Variants in TRPM3 observed in about 807,000 individuals in gnomAD.
The protein encoded by TRPM3 is long transient receptor potential channel 3.
A neutral mutation model predicts 181.2 loss-of-function variants in TRPM3; 77 were observed. The ratio of observed to expected loss-of-function variants is 0.42; its 90% CI spans 0.35 to 0.51. TRPM3 has a LOEUF of 0.51. Among genes scored for constraint, TRPM3 ranks in the 20% least tolerant of loss-of-function variants. The pLI is 0.01. For missense variants in TRPM3, 1,759 were observed against 2,196.7 expected (o/e 0.80, Z 3.98); for synonymous variants, 745 against 796.4 (o/e 0.94, Z 1.09).
At chr9:70,912,750 G>A (rs913440459) in intron 1 of TRPM3, among the ~76,000 whole-genome samples, 7 of 152,072 alleles carry the variant, frequency 4.6e-5, no homozygotes, top group African/African-American at 1.7e-4. Flanking sequence ...AAATATATTG[G>A]AAACCAACAC....
intron 1 of TRPM3, among the ~76,000 whole-genome samples, chr9:71,048,300 A>T (rs1303310935): frequency 6.6e-6 from 1 of 152,164 alleles, no homozygotes; most frequent in East Asian, 1.9e-4. Flanking sequence ...CTGTCTCTTA[A>T]TTTTTTAGAG....
rs148070892 is a variant in TRPM3, at chr9:71,324,407, C to T, written c.183+122246G>A. On this transcript the variant is annotated intron_variant, in intron 1 of 24. Coordinates refer to the TRPM3 transcript ENST00000357533. Reference sequence around the variant, plus strand: ...ATCAGAGAAATACAAATCAAAACCACGATGAGATACCATATTTTCCTAGTC... The same window carrying T: ...ATCAGAGAAATACAAATCAAAACCATGATGAGATACCATATTTTCCTAGTC... 6.8e-4 allele frequency among the ~76,000 whole-genome samples: 103 copies of T among 151,964 alleles called. No individual in the cohort carries two copies. In the South Asian group the frequency reaches 7.1e-3, roughly 10 times the overall value.
chr9:71,312,920 G>A (rs72735810), intron 1 of TRPM3, among the ~76,000 whole-genome samples: 13,088 of 152,058 alleles, frequency 0.086, 672 homozygotes, highest in Middle Eastern at 0.13. Context: ...GGCAGAGCAC[G>A]AAGGATTTTT....
intron 7 of TRPM3, among the ~76,000 whole-genome samples, chr9:70,776,740 G>A (rs1393616637): frequency 6.6e-6 from 1 of 152,164 alleles, no homozygotes; most frequent in Non-Finnish European, 1.5e-5. Context: ...GGGTTTCAAA[G>A]ACAAAATTTG....
chr9:70,760,403 C>T lies in TRPM3; in HGVS notation c.1272+1198G>A, dbSNP rs558272452. On this transcript the variant is annotated intron_variant, in intron 8 of 25. Transcript: ENST00000677713. ...TTCGAGCTGCAACACCATGAGCTAA[C>T]GACATCCGAGATGGGAGGATGTCAC... is the stretch of plus-strand genomic sequence containing the variant. Among the ~76,000 whole-genome samples the T allele has an allele frequency of 9.8e-4, 145 of 148,600 alleles. 1 individual carries two copies. Among genetic ancestry groups the T allele is most frequent in the African/African-American group, 3.5e-3 (140 of 40,224 alleles).
chr9:70,916,987 G>C, intron 1 of TRPM3: 3 of 1,517,560 alleles, frequency 2.0e-6, no homozygotes, highest in Non-Finnish European at 2.7e-6. Flanking sequence ...ATAATTGCCT[G>C]GAGGAGTTAG....
intron 1 of TRPM3, among the ~76,000 whole-genome samples, chr9:70,919,741 G>A (rs1455223558): frequency 1.3e-5 from 2 of 148,804 alleles, no homozygotes; most frequent in Admixed American, 6.7e-5. Flanking sequence ...CCAAGATCAC[G>A]CCATTGCACT....
chr9:71,227,406 T>C (rs1193075981), intron 1 of TRPM3, among the ~76,000 whole-genome samples: 1 of 151,592 alleles, frequency 6.6e-6, no homozygotes, highest in Non-Finnish European at 1.5e-5. Flanking sequence ...TAAGAAAAAC[T>C]TCAAACAAAC....
chr9:70,691,682 G>A (rs1320999957), intron 8 of TRPM3, among the ~76,000 whole-genome samples: 11 of 152,272 alleles, frequency 7.2e-5, no homozygotes. Flanking sequence ...GAGGCTAGAG[G>A]TCTACAGGTT....
chr9:71,353,354 C>T lies in TRPM3; in HGVS notation c.183+93299G>A, dbSNP rs116979019. 1.4e-4 allele frequency among the ~76,000 whole-genome samples: 22 copies of T among 152,140 alleles called. No individual in the cohort carries two copies. The East Asian group carries it at 3.5e-3, about 24-fold the overall frequency. On this transcript the variant is annotated intron_variant, in intron 1 of 24. Coordinates refer to the TRPM3 transcript ENST00000357533. Reference sequence around the variant, plus strand: ...CCTTAGTGTTTGGAACAGTGACTGGCGGTTAGTACACAGTAAATAATGGTT... The same window carrying T: ...CCTTAGTGTTTGGAACAGTGACTGGTGGTTAGTACACAGTAAATAATGGTT...
intron 1 of TRPM3, among the ~76,000 whole-genome samples, chr9:71,153,354 C>T (rs190470648): frequency 6.7e-6 from 1 of 148,262 alleles, no homozygotes; most frequent in Admixed American, 6.7e-5. Flanking sequence ...GGCAGTGGTG[C>T]AATCTCAGCC....
At chr9:70,951,361 A>C (rs767850690) in intron 1 of TRPM3, among the ~76,000 whole-genome samples, 17 of 152,074 alleles carry the variant, frequency 1.1e-4, no homozygotes, top group Non-Finnish European at 2.4e-4. Flanking sequence ...TTTGTTTTTG[A>C]GATGAAGTAT....
At chr9:71,304,673 C>G (rs545005109) in intron 1 of TRPM3, among the ~76,000 whole-genome samples, 1 of 152,280 alleles carries the variant, frequency 6.6e-6, no homozygotes. Context: ...AAAATTAGGT[C>G]AGCAATTGTA....
intron 22 of TRPM3, among the ~76,000 whole-genome samples, chr9:70,586,840 T>G (rs2132455702): frequency 6.6e-6 from 1 of 152,302 alleles, no homozygotes; most frequent in East Asian, 1.9e-4. Context: ...GACTGGCTCC[T>G]TGAGATGTTC....
intron 1 of TRPM3, among the ~76,000 whole-genome samples, chr9:70,986,388 C>A (rs1336119150): frequency 6.6e-6 from 1 of 152,096 alleles, no homozygotes; most frequent in Admixed American, 6.6e-5. Flanking sequence ...TATACATATA[C>A]TTTAACTTCA....
chr9:71,406,006 T>G (rs569656138), intron 1 of TRPM3, among the ~76,000 whole-genome samples: 3 of 152,174 alleles, frequency 2.0e-5, no homozygotes, highest in Non-Finnish European at 2.9e-5. Flanking sequence ...CTGGGCACGG[T>G]GGCTCACACC....
At chr9:70,689,049 A>G (rs1295315932) in intron 8 of TRPM3, among the ~76,000 whole-genome samples, 1 of 152,210 alleles carries the variant, frequency 6.6e-6, no homozygotes, top group Non-Finnish European at 1.5e-5. Context: ...CATTCAACAC[A>G]AGAATGGTAA....
chr9:70,618,192 G>C (rs957468923), intron 17 of TRPM3, among the ~76,000 whole-genome samples: 1 of 152,020 alleles, frequency 6.6e-6, no homozygotes, highest in African/African-American at 2.4e-5. Context: ...CTTAAAAACA[G>C]TAACATCTCT....
At chr9:70,636,836 C>T (rs180798667) in intron 11 of TRPM3, among the ~76,000 whole-genome samples, 64 of 151,982 alleles carry the variant, frequency 4.2e-4, no homozygotes, top group Middle Eastern at 3.4e-3. Flanking sequence ...TACAGATGTG[C>T]ACCACCATGC....
Sources: gnomAD v4.1 joint callset for allele counts (sites outside exome capture counted in the v4.1 genomes callset) on GRCh38, gnomAD v4.1.1 for gene constraint, MANE v1.5 for transcripts, NCBI Gene and HGNC (gene_info 2026-07-23, HGNC 2026-07-21) for gene names.